RIMKLA: variants seen among roughly 807,000 people sequenced by gnomAD.
The protein encoded by RIMKLA is N-acetylaspartylglutamate synthase A.
RIMKLA carries 14 observed loss-of-function variants against 32.7 expected under a neutral mutation model. The observed-to-expected ratio is 0.43, with a 90% CI of 0.28 to 0.67. The LOEUF is 0.67. RIMKLA is among the 30% of genes least tolerant of loss of function. The pLI is 0.18. For missense variants in RIMKLA, 410 were observed against 519.0 expected, an observed-to-expected ratio of 0.79 and a Z score of 2.04; for synonymous variants, 176 against 204.1, an observed-to-expected ratio of 0.86 and a Z score of 1.18.
chr1:42,388,730 C>T (rs1049451688), intron 1 of RIMKLA, among the ~76,000 whole-genome samples: 1 of 151,774 alleles, frequency 6.6e-6, no homozygotes, highest in Admixed American at 6.6e-5. Context: ...CTTGGCCAGG[C>T]TAGTCTTGAA....
rs146451026 is a variant in RIMKLA at position 42,402,843 on chromosome 1, G to A, written c.395-1668G>A. ...TGAGCTCAGGCAGTCCGCCCACCTC[G>A]GCGCCCACGAAGTGCTGGGATTCCA... On this transcript the variant is annotated intron_variant, in intron 2 of 4. Coordinates refer to ENST00000431473, the MANE Select transcript of RIMKLA (RefSeq NM_173642.4). Among the ~76,000 whole-genome samples, 297 of 152,106 alleles carry A rather than the reference G, an allele frequency of 2.0e-3. 1 individual carries two copies. Among genetic ancestry groups the A allele is most frequent in the Middle Eastern group, 0.01 (3 of 294 alleles).
chr1:42,395,684 G>A (rs912946321), intron 1 of RIMKLA, among the ~76,000 whole-genome samples: 1 of 152,134 alleles, frequency 6.6e-6, no homozygotes, highest in Non-Finnish European at 1.5e-5. Flanking sequence ...TGGGAGAGGT[G>A]ATACATTAAG....
chr1:42,410,768 T>C (rs928522632), intron 4 of RIMKLA, among the ~76,000 whole-genome samples: 1 of 152,198 alleles, frequency 6.6e-6, no homozygotes, highest in Non-Finnish European at 1.5e-5. Context: ...TGTAAGTTCT[T>C]GTCCCCATCA....
At chr1:42,393,639 T>C (rs1332512723) in intron 1 of RIMKLA, among the ~76,000 whole-genome samples, 1 of 152,004 alleles carries the variant, frequency 6.6e-6, no homozygotes, top group African/African-American at 2.4e-5. Flanking sequence ...AAAATAACTG[T>C]TTTACGAGAA....
intron 2 of RIMKLA, among the ~76,000 whole-genome samples, chr1:42,403,589 A>T (rs1186533528): frequency 1.4e-4 from 21 of 152,232 alleles, no homozygotes; most frequent in Non-Finnish European, 1.5e-5. Flanking sequence ...AGTATGGTGG[A>T]GCCAGTTCAG....
Position 42,384,564 on chromosome 1 carries a change from CAT to C in RIMKLA, c.163+3474_163+3475del, listed in dbSNP as rs1185835221. Among the ~76,000 whole-genome samples, 146 of 142,068 alleles carry C rather than the reference CAT, an allele frequency of 1.0e-3. 1 individual carries two copies. Among genetic ancestry groups the C allele is most frequent in the African/African-American group, 3.4e-3 (131 of 38,424 alleles). The allele number at this position is 142,068 out of a possible 152,430, so 93.2% of individuals were successfully genotyped here. ...ATGTATATATATGTGTGTATATATA[CAT>C]ATATATGTGTATATATGTGTGTATA... On this transcript the variant is annotated intron_variant, in intron 1 of 4. Coordinates refer to ENST00000431473, the MANE Select transcript of RIMKLA (RefSeq NM_173642.4).
rs148411234 is a variant in RIMKLA at position 42,411,756 on chromosome 1, C to G, written c.685+1569C>G. Among the ~76,000 whole-genome samples the G allele has an allele frequency of 9.8e-3, 1,492 of 151,862 alleles. 25 individuals are homozygous for G. Among genetic ancestry groups the G allele is most frequent in the African/African-American group, 0.034 (1,399 of 41,178 alleles). On this transcript the variant is annotated intron_variant, in intron 4 of 4. Coordinates refer to ENST00000431473, the MANE Select transcript of RIMKLA (RefSeq NM_173642.4). ...TGGCACAATCTCCGCTCATTGCAAG[C>G]TCTGCCTCCCCGGTTCACACCATTC...
chr1:42,421,102 G>A lies in RIMKLA; in HGVS notation c.*6128G>A, dbSNP rs1314228975. 1 of 152,254 alleles carries A rather than the reference G, an allele frequency of 6.6e-6. No homozygotes were observed. The highest frequency in any genetic ancestry group is 1.5e-5 in the Non-Finnish European group (1 of 68,078). 9.4% of individuals were successfully genotyped at this position (152,254 alleles called of 1,614,324 possible). A position where few individuals can be genotyped will look rare whatever the true frequency, so the allele number is the denominator to read the frequency against. On this transcript the variant is annotated 3_prime_UTR_variant, in exon 5 of 5. Transcript: ENST00000431473. This position sits in a 1 kb window ranked among gnomAD's most constrained non-coding sequence, Gnocchi z 4.6. ...GTAGCTCAAGCATGCTGTGGTTCAGGCTAATGACTGGAAGGTCCCATCCAT... is the reference window on the plus strand; with the variant it reads ...GTAGCTCAAGCATGCTGTGGTTCAGACTAATGACTGGAAGGTCCCATCCAT...
Position 42,414,850 on chromosome 1 carries a change from G to A in RIMKLA, c.1052G>A (p.Ser351Asn). 2 of 1,614,208 alleles carry A rather than the reference G, an allele frequency of 1.2e-6. No individual in the cohort carries two copies. The highest frequency in any genetic ancestry group is 1.7e-6 in the Non-Finnish European group (2 of 1,180,046). Residue 351 changes from serine (S) to asparagine (N), a missense_variant, in exon 5 of 5, where the codon AGT (serine) becomes AAT (asparagine). Coordinates refer to ENST00000431473, the MANE Select transcript of RIMKLA (RefSeq NM_173642.4). ...TINSGSTSSE[S>N]EPELGEIRDS... ...AACAGTGGGTCTACCTCTAGTGAAA[G>A]TGAGCCTGAACTGGGAGAGATCCGG...
intron 1 of RIMKLA, among the ~76,000 whole-genome samples, chr1:42,394,416 C>G (rs1427813166): frequency 6.6e-6 from 1 of 152,144 alleles, no homozygotes. Flanking sequence ...TGTGTAAATG[C>G]AAAGACATTT....
intron 4 of RIMKLA, among the ~76,000 whole-genome samples, 178 bp downstream of exon 4, chr1:42,410,365 G>A (rs945748252): frequency 6.6e-6 from 1 of 152,160 alleles, no homozygotes; most frequent in African/African-American, 2.4e-5. Context: ...ACAAGTGTAA[G>A]CGCTGTGGCA....
chr1:42,405,926 C>T (rs893217084), intron 3 of RIMKLA, among the ~76,000 whole-genome samples: 1 of 152,130 alleles, frequency 6.6e-6, no homozygotes, highest in African/African-American at 2.4e-5. Flanking sequence ...ATAGATGAGT[C>T]GTGTTGAGGA....
intron 1 of RIMKLA, among the ~76,000 whole-genome samples, chr1:42,397,471 G>A (rs571145009): frequency 2.6e-4 from 39 of 152,190 alleles, no homozygotes; most frequent in African/African-American, 9.2e-4. Context: ...GCCTGTAATC[G>A]CAGCACTTTG....
intron 1 of RIMKLA, among the ~76,000 whole-genome samples, chr1:42,391,098 GGTT>G (rs1331143092): frequency 1.3e-5 from 2 of 152,140 alleles, no homozygotes; most frequent in Non-Finnish European, 2.9e-5. Flanking sequence ...TAGGAGGAGT[GGTT>G]GGAGATTAGA....
chr1:42,389,810 T>C (rs1642985157), intron 1 of RIMKLA, among the ~76,000 whole-genome samples: 1 of 145,680 alleles, frequency 6.9e-6, no homozygotes, highest in Non-Finnish European at 1.5e-5. Context: ...CGAGACGCCA[T>C]CTCAAAAAAA....
chr1:42,389,038 A>C (rs542372312), intron 1 of RIMKLA, among the ~76,000 whole-genome samples: 3 of 152,208 alleles, frequency 2.0e-5, no homozygotes, highest in African/African-American at 4.8e-5. Flanking sequence ...TTTGAAGACA[A>C]AGTGGTCAGG....
intron 1 of RIMKLA, among the ~76,000 whole-genome samples, chr1:42,385,252 G>A (rs952046615): frequency 4.6e-5 from 7 of 152,208 alleles, no homozygotes; most frequent in Admixed American, 6.5e-5. Context: ...AGGAGCTTCT[G>A]TGTGGGGGAG....
At position 42,404,532 on chromosome 1, in the gene RIMKLA, A is replaced by T. The variant is rs771233628; in HGVS notation, c.416A>T (p.Lys139Ile). The change falls in exon 3 of 5, where the codon AAA becomes ATA. Residue 139 changes from lysine to isoleucine, a missense_variant. Physicochemically the swap from Lys to Ile is moderately radical, Grantham distance 102. Transcript: ENST00000431473. ...GCAGGTGGGCATGAAGACTTTTCAA[A>T]AATGATTGATGAAGCTGAGCCCCTG... ...FSYGGHEDFS[K>I]MIDEAEPLGY... 6.2e-7 allele frequency: 1 copy of T among 1,613,796 alleles called. No individual in the cohort carries two copies. The highest frequency in any genetic ancestry group is 1.1e-5 in the South Asian group (1 of 91,074).
intron 2 of RIMKLA, among the ~76,000 whole-genome samples, chr1:42,403,553 T>C (rs1643118903): frequency 6.6e-6 from 1 of 152,242 alleles, no homozygotes; most frequent in South Asian, 2.1e-4. Context: ...TCGTTATTCA[T>C]ATTTTTTTAA....
Sources: allele counts gnomAD v4.1 joint callset (sites outside exome capture counted in the v4.1 genomes callset), GRCh38; gene constraint gnomAD v4.1.1; non-coding constraint Gnocchi (gnomAD v3.1); transcripts MANE v1.5; gene names NCBI Gene and HGNC (gene_info 2026-07-23, HGNC 2026-07-21).